Variants in MTHFD1L observed in about 807,000 individuals in gnomAD.
MTHFD1L encodes the protein monofunctional C1-tetrahydrofolate synthase, mitochondrial.
In MTHFD1L, 81 loss-of-function variants were observed where a neutral mutation model predicts 119.5. That is an observed-to-expected ratio of 0.68 (90% CI 0.57 to 0.82). MTHFD1L has a LOEUF of 0.82. Among genes scored for constraint, MTHFD1L ranks in the 40% least tolerant of loss-of-function variants. The probability of loss-of-function intolerance (pLI) is 0.00; values close to 1 mark genes in which losing one functional copy is unlikely to be tolerated. For synonymous variants in MTHFD1L, 430 were observed against 475.2 expected, an observed-to-expected ratio of 0.90 and a Z score of 1.24; for missense variants, 1,125 against 1,253.4, an observed-to-expected ratio of 0.90 and a Z score of 1.55.
In MTHFD1L at chr6:150,920,939, ATTTTTT is replaced by A. The variant is rs869169480; in HGVS notation, c.985-1242_985-1237del. On this transcript the variant is annotated intron_variant, in intron 9 of 27. Coordinates refer to ENST00000367321, the MANE Select transcript of MTHFD1L (RefSeq NM_015440.5). ...AGGCACATGCCACCACACCCAGATA[ATTTTTT>A]TTTTTTTTTTTTTTTTTTTTTTTGA... is the stretch of plus-strand genomic sequence containing the variant. Among the ~76,000 whole-genome samples the A allele has an allele frequency of 2.1e-5, 2 of 96,868 alleles. 1 individual carries two copies. The allele number at this position is 96,868 out of a possible 152,430, so 63.5% of individuals were successfully genotyped here. A position where few individuals can be genotyped will look rare whatever the true frequency, so the allele number is the denominator to read the frequency against.
intron 26 of MTHFD1L, among the ~76,000 whole-genome samples, chr6:151,072,424 A>G (rs992717711): frequency 4.6e-5 from 7 of 152,190 alleles, no homozygotes; most frequent in African/African-American, 1.4e-4. Context: ...AAATCTTCAT[A>G]GTCTATAAAA....
intron 7 of MTHFD1L, among the ~76,000 whole-genome samples, chr6:150,903,032 A>G (rs1785300824): frequency 6.6e-6 from 1 of 152,080 alleles, no homozygotes; most frequent in Non-Finnish European, 1.5e-5. Context: ...TGACAGTACT[A>G]TATATAAATG....
At chr6:150,900,518 C>T (rs932679896) in intron 7 of MTHFD1L, among the ~76,000 whole-genome samples, 4 of 152,186 alleles carry the variant, frequency 2.6e-5, no homozygotes, top group Non-Finnish European at 5.9e-5. Flanking sequence ...GACCCGCATC[C>T]GCATGCTCCC....
intron 20 of MTHFD1L, among the ~76,000 whole-genome samples, chr6:150,975,694 C>T (rs1776451092): frequency 1.3e-5 from 2 of 152,162 alleles, no homozygotes; most frequent in Non-Finnish European, 2.9e-5. Context: ...TGCTTCTCTG[C>T]CACCCTTGTC....
At chr6:151,064,364 G>A (rs1172052348) in intron 26 of MTHFD1L, among the ~76,000 whole-genome samples, 1 of 152,134 alleles carries the variant, frequency 6.6e-6, no homozygotes, top group Non-Finnish European at 1.5e-5. Flanking sequence ...CCAGGCTGGA[G>A]TACAGTGGTG....
At chr6:151,009,501 T>A (rs1269806275) in intron 20 of MTHFD1L, among the ~76,000 whole-genome samples, 2 of 151,832 alleles carry the variant, frequency 1.3e-5, no homozygotes, top group African/African-American at 4.8e-5. Context: ...GCCGCTGTAC[T>A]CCAGCCTGTG....
In MTHFD1L at chr6:151,057,965, GAC is replaced by G. The variant is rs200413841; in HGVS notation, c.2847+20850_2847+20851del. ...AGCTAATTTTTGTATTTTTAGAAGA[GAC>G]AGTTTCACCATATTGGCCAGACTGG... is the stretch of plus-strand genomic sequence containing the variant. On this transcript the variant is annotated intron_variant, in intron 26 of 27. Transcript: ENST00000367321. Among the ~76,000 whole-genome samples the G allele has an allele frequency of 1.4e-3, 218 of 152,122 alleles. 2 individuals carry two copies. The East Asian group carries it at 0.037, about 26-fold the overall frequency.
In MTHFD1L at chr6:151,019,814, TA is replaced by T. The variant is rs948509896; in HGVS notation, c.2586+4126del. 4.6e-5 allele frequency among the ~76,000 whole-genome samples: 7 copies of T among 152,320 alleles called. 1 individual carries two copies. Among genetic ancestry groups the T allele is most frequent in the East Asian group, 1.9e-4 (1 of 5,188 alleles). Reference sequence around the variant, plus strand: ...TTTACAGTCTTGTCTTGTCACCATGTAAAAATCTGAATTCATTGGTGCAGTC... The same window carrying T: ...TTTACAGTCTTGTCTTGTCACCATGTAAAATCTGAATTCATTGGTGCAGTC... On this transcript the variant is annotated intron_variant, in intron 24 of 27. Coordinates refer to ENST00000367321, the MANE Select transcript of MTHFD1L (RefSeq NM_015440.5).
intron 20 of MTHFD1L, among the ~76,000 whole-genome samples, chr6:150,979,153 G>A (rs899609634): frequency 2.6e-5 from 4 of 152,072 alleles, no homozygotes; most frequent in African/African-American, 4.8e-5. Flanking sequence ...CAGGAGAATC[G>A]CTTGAACCTG....
Position 150,956,063 on chromosome 6 carries a change from T to C in MTHFD1L, c.1795T>C (p.Tyr599His). 1.2e-6 allele frequency: 2 copies of C among 1,613,864 alleles called. No individual in the cohort carries two copies. The highest frequency in any genetic ancestry group is 1.7e-6 in the Non-Finnish European group (2 of 1,179,722). Residue 599 changes from tyrosine (Y) to histidine (H), a missense_variant, in exon 17 of 28, where the codon TAC becomes CAC. By Grantham distance (83) the Tyr-to-His change is moderately conservative. This residue lies in a region of MTHFD1L where 1,058 missense variants were observed against 1,151.2 expected (regional missense o/e 0.92). Transcript: ENST00000367321. The part of the protein sequence containing the change: ...IGQGNTEKGH[Y>H]RQAQFDIAVA... The stretch of plus-strand genomic sequence containing the variant: ...GCAGGGAAACACAGAGAAGGGCCAT[T>C]ACCGGCAGGTAGGTGGTGCTTTCTT...
intron 26 of MTHFD1L, among the ~76,000 whole-genome samples, chr6:151,076,190 T>A (rs1346176516): frequency 1.3e-5 from 2 of 151,234 alleles, no homozygotes; most frequent in African/African-American, 2.4e-5. Context: ...GGAGACTCTG[T>A]GTCTACAATA....
At chr6:150,957,027 A>T (rs561014959) in intron 17 of MTHFD1L, among the ~76,000 whole-genome samples, 3 of 152,362 alleles carry the variant, frequency 2.0e-5, no homozygotes, top group Admixed American at 6.5e-5. Context: ...ATTGATGATT[A>T]AAAGGACAGC....
chr6:150,916,703 A>AT (rs1304095636), intron 8 of MTHFD1L, among the ~76,000 whole-genome samples: 1 of 123,296 alleles, frequency 8.1e-6, no homozygotes, highest in Non-Finnish European at 1.7e-5. Context: ...CTAAAATGCA[A>AT]TTTTTTAGTT....
At chr6:150,970,804 G>A (rs1797904039) in intron 19 of MTHFD1L, among the ~76,000 whole-genome samples, 1 of 152,164 alleles carries the variant, frequency 6.6e-6, no homozygotes, top group African/African-American at 2.4e-5. Context: ...GTGCAAGTGT[G>A]TGTGTACCTG....
At chr6:151,068,046 G>A (rs1349504983) in intron 26 of MTHFD1L, among the ~76,000 whole-genome samples, 1 of 152,218 alleles carries the variant, frequency 6.6e-6, no homozygotes, top group African/African-American at 2.4e-5. Context: ...CTCGGGCACT[G>A]GTACATGAAA....
At chr6:150,973,050 T>G (rs1351083411) in intron 20 of MTHFD1L, among the ~76,000 whole-genome samples, 2 of 152,200 alleles carry the variant, frequency 1.3e-5, no homozygotes, top group Non-Finnish European at 2.9e-5. Context: ...AGTCCCTTAA[T>G]CTGACATATG....
chr6:151,017,351 CT>C (rs553802419), intron 24 of MTHFD1L, among the ~76,000 whole-genome samples: 123 of 141,592 alleles, frequency 8.7e-4, no homozygotes, highest in Admixed American at 8.5e-4. Context: ...AATTTCCCTT[CT>C]TTTTTTTTTT....
chr6:150,936,751 G>A (rs1792132634), intron 11 of MTHFD1L, 53 bp from the exon 12 acceptor site: 1 of 1,589,640 alleles, frequency 6.3e-7, no homozygotes, highest in African/African-American at 1.3e-5. Context: ...GGCTGGTTTT[G>A]CATAGGTTGT....
At chr6:150,990,677 G>A (rs1045251536) in intron 20 of MTHFD1L, among the ~76,000 whole-genome samples, 7 of 152,002 alleles carry the variant, frequency 4.6e-5, no homozygotes, top group African/African-American at 1.7e-4. Flanking sequence ...GGCCAGCCTG[G>A]TCTTGAACTC....
Sources: allele counts gnomAD v4.1 joint callset (sites outside exome capture counted in the v4.1 genomes callset), GRCh38; gene constraint gnomAD v4.1.1; regional missense constraint gnomAD v4.1.1; transcripts MANE v1.5; gene names NCBI Gene and HGNC (gene_info 2026-07-23, HGNC 2026-07-21).